The following LRRC37A2 variants were observed in gnomAD, a reference collection of about 807,000 sequenced individuals.
The protein encoded by LRRC37A2 is leucine rich repeat containing 37 member A2, also known as leucine-rich repeat-containing protein 37A2.
Under a neutral mutation model 68.8 loss-of-function variants are expected in LRRC37A2, and 9 were observed. That is an observed-to-expected ratio of 0.13 (90% CI 0.08 to 0.23). LRRC37A2 has a LOEUF of 0.23. Ranked by LOEUF, LRRC37A2 falls within the 10% of genes least tolerant of loss-of-function variation. The probability of loss-of-function intolerance (pLI) is 1.00; values close to 1 mark genes in which losing one functional copy is unlikely to be tolerated. For synonymous variants in LRRC37A2, 63 were observed against 367.6 expected, an observed-to-expected ratio of 0.17 and a Z score of 9.48; for missense variants, 168 against 950.4, an observed-to-expected ratio of 0.18 and a Z score of 10.82.
the LRRC37A2 span, among the ~76,000 whole-genome samples, chr17:46,499,225 T>G: frequency 1.5e-5 from 2 of 130,570 alleles, no homozygotes; most frequent in African/African-American, 6.8e-5. Context: ...GGCAGGCGAG[T>G]GGCTTGAACC....
chr17:46,920,877 C>T, the LRRC37A2 span, among the ~76,000 whole-genome samples: 8 of 152,160 alleles, frequency 5.3e-5, no homozygotes, highest in Non-Finnish European at 1.0e-4. Flanking sequence ...GCTCATCTGA[C>T]CTTAGGAGAA....
the LRRC37A2 span, among the ~76,000 whole-genome samples, chr17:46,850,132 G>A: frequency 2.6e-5 from 4 of 152,212 alleles, no homozygotes; most frequent in Non-Finnish European, 5.9e-5. Context: ...TTACAGGCAT[G>A]AGCCAACGTG....
At chr17:46,971,150 C>T in the LRRC37A2 span, among the ~76,000 whole-genome samples, 220 of 152,100 alleles carry the variant, frequency 1.4e-3, 1 homozygote, top group Middle Eastern at 6.8e-3. Context: ...CCAGCGTGGC[C>T]GACATGGTGA....
chr17:46,914,657 A>C, the LRRC37A2 span, among the ~76,000 whole-genome samples: 2 of 150,630 alleles, frequency 1.3e-5, no homozygotes, highest in South Asian at 4.2e-4. Flanking sequence ...CCTCAAAAAA[A>C]AAAAAAAAAA....
the LRRC37A2 span, among the ~76,000 whole-genome samples, chr17:46,950,908 A>G: frequency 2.6e-5 from 4 of 152,160 alleles, no homozygotes; most frequent in Admixed American, 6.5e-5. Context: ...CCAGTCGGTG[A>G]TGAGAGATCT....
the LRRC37A2 span, among the ~76,000 whole-genome samples, chr17:46,951,963 C>T: frequency 1.3e-5 from 2 of 152,148 alleles, no homozygotes; most frequent in African/African-American, 4.8e-5. Flanking sequence ...CTTTCTAAAC[C>T]GTTTTTCTCT....
the LRRC37A2 span, among the ~76,000 whole-genome samples, chr17:47,001,238 G>A: frequency 6.6e-6 from 1 of 152,132 alleles, no homozygotes; most frequent in Non-Finnish European, 1.5e-5. Context: ...CCAGGATAGG[G>A]AGCACAGAGC....
the LRRC37A2 span, among the ~76,000 whole-genome samples, chr17:47,008,693 T>C: frequency 6.6e-6 from 1 of 151,870 alleles, no homozygotes; most frequent in African/African-American, 2.4e-5. Context: ...TTGGCCAGGC[T>C]GGTCTCAAAC....
chr17:46,906,317 A>G, the LRRC37A2 span, among the ~76,000 whole-genome samples: 1 of 152,232 alleles, frequency 6.6e-6, no homozygotes, highest in Non-Finnish European at 1.5e-5. Context: ...GACTTCCCTG[A>G]ACTAACAGGA....
the LRRC37A2 span, among the ~76,000 whole-genome samples, chr17:46,744,728 T>G: frequency 6.6e-6 from 1 of 152,222 alleles, no homozygotes; most frequent in African/African-American, 2.4e-5. Flanking sequence ...GTTGGTCCTT[T>G]GTGTGGCAAA....
the LRRC37A2 span, among the ~76,000 whole-genome samples, chr17:46,901,656 A>G: frequency 5.3e-5 from 8 of 152,234 alleles, no homozygotes; most frequent in Non-Finnish European, 1.0e-4. Flanking sequence ...ATGGGAAAGA[A>G]GCTGAAGAGA....
chr17:46,860,898 A>G, the LRRC37A2 span, among the ~76,000 whole-genome samples: 1 of 152,114 alleles, frequency 6.6e-6, no homozygotes, highest in Non-Finnish European at 1.5e-5. Flanking sequence ...CTGCTCTGTC[A>G]CCCAGACTAG....
At chr17:46,999,277 T>C in the LRRC37A2 span, among the ~76,000 whole-genome samples, 5 of 152,154 alleles carry the variant, frequency 3.3e-5, no homozygotes, top group Admixed American at 6.5e-5. Flanking sequence ...TTATTAAGAA[T>C]GCTGTGAAGA....
At chr17:46,984,437 A>G in the LRRC37A2 span, among the ~76,000 whole-genome samples, 2 of 152,128 alleles carry the variant, frequency 1.3e-5, no homozygotes, top group Non-Finnish European at 2.9e-5. Context: ...CCTGCTCTAG[A>G]GAAAAGGAAG....
the LRRC37A2 span, among the ~76,000 whole-genome samples, chr17:46,734,358 TGTG>T: frequency 6.6e-6 from 1 of 152,156 alleles, no homozygotes; most frequent in Non-Finnish European, 1.5e-5. Context: ...AATCCACTGA[TGTG>T]GTGACTTTTG....
the LRRC37A2 span, among the ~76,000 whole-genome samples, chr17:46,695,260 A>T: frequency 6.8e-6 from 1 of 146,444 alleles, no homozygotes; most frequent in African/African-American, 2.6e-5. Flanking sequence ...AAAAAAAAAA[A>T]AGTTGTAATA....
At chr17:46,759,920 A>G in the LRRC37A2 span, among the ~76,000 whole-genome samples, 1 of 152,358 alleles carries the variant, frequency 6.6e-6, no homozygotes, top group Admixed American at 6.5e-5. Flanking sequence ...GTACTTATAC[A>G]TAAGGAGAAA....
the LRRC37A2 span, among the ~76,000 whole-genome samples, chr17:46,825,326 G>A: frequency 2.6e-5 from 4 of 152,242 alleles, no homozygotes; most frequent in African/African-American, 9.6e-5. Context: ...TGCAACCCAG[G>A]AGGGGCTTGG....
At chr17:46,915,639 T>C in the LRRC37A2 span, among the ~76,000 whole-genome samples, 1 of 152,240 alleles carries the variant, frequency 6.6e-6, no homozygotes, top group Non-Finnish European at 1.5e-5. Context: ...CCCACACTTT[T>C]GAGTGCTCTT....
Sources: gnomAD v4.1 joint callset for allele counts (sites outside exome capture counted in the v4.1 genomes callset) on GRCh38, gnomAD v4.1.1 for gene constraint, MANE v1.5 for transcripts, NCBI Gene and HGNC (gene_info 2026-07-23, HGNC 2026-07-21) for gene names.